NKAIN3: variants seen among roughly 807,000 people sequenced by gnomAD.
The protein encoded by NKAIN3 is sodium/potassium-transporting ATPase subunit beta-1-interacting protein 3.
NKAIN3 carries 25 observed loss-of-function variants against 30.2 expected under a neutral mutation model. That is an observed-to-expected ratio of 0.83 (90% CI 0.60 to 1.16). The LOEUF is 1.16. Ranked by LOEUF, NKAIN3 falls within the 50% of genes most tolerant of loss-of-function variation. The pLI, the probability that NKAIN3 is intolerant of heterozygous loss-of-function variation, is 0.00. For missense variants in NKAIN3, 225 were observed against 254.1 expected, an observed-to-expected ratio of 0.89 and a Z score of 0.78; for synonymous variants, 91 against 89.6, an observed-to-expected ratio of 1.02 and a Z score of -0.09.
At chr8:62,387,546 A>G (rs1216258255) in intron 1 of NKAIN3, among the ~76,000 whole-genome samples, 1 of 152,216 alleles carries the variant, frequency 6.6e-6, no homozygotes, top group East Asian at 1.9e-4. Flanking sequence ...TGGAAGATAC[A>G]TAAGACATAT....
intron 1 of NKAIN3, among the ~76,000 whole-genome samples, chr8:62,477,363 T>A (rs1040317793): frequency 6.6e-6 from 1 of 151,574 alleles, no homozygotes; most frequent in African/African-American, 2.4e-5. Context: ...AATGTGAAAC[T>A]GGTGAATTGG....
chr8:62,797,474 C>T (rs1817897917), intron 4 of NKAIN3, among the ~76,000 whole-genome samples: 2 of 152,216 alleles, frequency 1.3e-5, no homozygotes, highest in Non-Finnish European at 1.5e-5. Context: ...TTGAGATGAA[C>T]GATGCAAAAT....
chr8:62,459,472 C>T (rs1805923145), intron 1 of NKAIN3, among the ~76,000 whole-genome samples: 1 of 152,124 alleles, frequency 6.6e-6, no homozygotes, highest in African/African-American at 2.4e-5. Context: ...ACTTTCTAGG[C>T]TCTATTCTAA....
At chr8:62,733,604 G>A (rs779608132) in intron 3 of NKAIN3, among the ~76,000 whole-genome samples, 20 of 151,894 alleles carry the variant, frequency 1.3e-4, no homozygotes, top group Non-Finnish European at 2.8e-4. Context: ...TTTTACTGTA[G>A]TGCTCTGGAT....
intron 3 of NKAIN3, among the ~76,000 whole-genome samples, chr8:62,699,639 T>C (rs565525068): frequency 6.6e-6 from 1 of 152,328 alleles, no homozygotes; most frequent in East Asian, 1.9e-4. Context: ...TATTCATGCT[T>C]GTCCTATCCT....
intron 2 of NKAIN3, among the ~76,000 whole-genome samples, chr8:62,580,906 T>TATATAAA (rs71974501): frequency 8.9e-6 from 1 of 112,274 alleles, no homozygotes; most frequent in Non-Finnish European, 2.1e-5. Flanking sequence ...GCTAGGGTTT[T>TATATAAA]TATATATATA....
Position 62,306,577 on chromosome 8 carries a change from T to TGTGTGTGTGTGTGTTG in NKAIN3, c.54+57450_54+57451insGTGTGTGTGTGTGTTG, listed in dbSNP as rs369616688. On this transcript the variant is annotated intron_variant, in intron 1 of 6. Transcript: ENST00000623646. ...GTGTGTGTGTGTGTGTGTGTGTGTG[T>TGTGTGTGTGTGTGTTG]TGTGTGTGTGTTTAGTTTATGTGTG... Among the ~76,000 whole-genome samples the TGTGTGTGTGTGTGTTG allele has an allele frequency of 2.1e-3, 254 of 123,720 alleles. 8 individuals carry two copies. Among genetic ancestry groups the TGTGTGTGTGTGTGTTG allele is most frequent in the African/African-American group, 7.7e-3 (237 of 30,898 alleles). 81.2% of individuals were successfully genotyped at this position (123,720 alleles called of 152,430 possible). A position where few individuals can be genotyped will look rare whatever the true frequency, so the allele number is the denominator to read the frequency against.
intron 3 of NKAIN3, among the ~76,000 whole-genome samples, chr8:62,657,876 T>C (rs969244369): frequency 1.3e-5 from 2 of 152,180 alleles, no homozygotes; most frequent in South Asian, 4.1e-4. Flanking sequence ...ACAATGGGAA[T>C]GAAACTACCT....
intron 4 of NKAIN3, among the ~76,000 whole-genome samples, chr8:62,806,744 T>A (rs763843280): frequency 2.0e-5 from 3 of 151,872 alleles, no homozygotes; most frequent in Non-Finnish European, 4.4e-5. Flanking sequence ...GCATGGCACA[T>A]GTATACATAT....
chr8:62,478,410 T>C (rs1188125831), intron 1 of NKAIN3, among the ~76,000 whole-genome samples: 1 of 152,162 alleles, frequency 6.6e-6, no homozygotes, highest in Non-Finnish European at 1.5e-5. Context: ...GAAAGTAAAG[T>C]CATGCATTGT....
rs1187695753 is a variant in NKAIN3 at position 62,984,017 on chromosome 8, G to T, written c.*18610G>T. On this transcript the variant is annotated 3_prime_UTR_variant, in exon 7 of 7. Coordinates refer to ENST00000623646, the MANE Select transcript of NKAIN3 (RefSeq NM_001304533.3). ...AGATCAAAAGCAATGCTCAAAGGGA[G>T]TGCCTGGGTAACCATGATGTAATTG... The T allele has an allele frequency of 6.6e-6, 1 of 152,204 alleles. No homozygotes were observed. The allele number at this position is 152,204 out of a possible 1,614,324, so 9.4% of individuals were successfully genotyped here.
intron 1 of NKAIN3, among the ~76,000 whole-genome samples, chr8:62,528,324 A>AATATATATATTATATTAT (rs1808377340): frequency 1.4e-5 from 1 of 73,354 alleles, no homozygotes; most frequent in Non-Finnish European, 2.6e-5. Context: ...TATATTATAT[A>AATATATATATTATATTAT]ATATATATAT....
At chr8:62,824,754 C>T (rs1419639440) in intron 4 of NKAIN3, among the ~76,000 whole-genome samples, 1 of 152,122 alleles carries the variant, frequency 6.6e-6, no homozygotes, top group African/African-American at 2.4e-5. Context: ...CCAGTTCTAA[C>T]TCTACCACAA....
intron 3 of NKAIN3, among the ~76,000 whole-genome samples, chr8:62,715,957 C>G (rs941818591): frequency 2.6e-5 from 4 of 152,190 alleles, no homozygotes; most frequent in African/African-American, 9.6e-5. Flanking sequence ...GCACTTAGCA[C>G]AGGGGTGTTT....
intron 4 of NKAIN3, among the ~76,000 whole-genome samples, chr8:62,788,314 T>G (rs970823297): frequency 2.5e-4 from 38 of 152,236 alleles, no homozygotes; most frequent in Non-Finnish European, 4.7e-4. Flanking sequence ...TTTCATGTGT[T>G]TTTTGGCTGC....
At chr8:62,395,408 C>T (rs567581412) in intron 1 of NKAIN3, among the ~76,000 whole-genome samples, 12 of 152,082 alleles carry the variant, frequency 7.9e-5, no homozygotes, top group Admixed American at 2.0e-4. Context: ...ACTTCCCAGG[C>T]GGTGCGGGAA....
chr8:62,411,710 C>T (rs144650804), intron 1 of NKAIN3, among the ~76,000 whole-genome samples: 194 of 152,262 alleles, frequency 1.3e-3, no homozygotes, highest in African/African-American at 4.6e-3. Context: ...ACTAAGGATT[C>T]AGGTTACAAG....
At chr8:62,397,343 A>T (rs1817796566) in intron 1 of NKAIN3, among the ~76,000 whole-genome samples, 1 of 132,458 alleles carries the variant, frequency 7.5e-6, no homozygotes. Flanking sequence ...TGTTAGTATT[A>T]GAGTTGTTTA....
At chr8:62,946,202 C>G (rs866958367) in intron 5 of NKAIN3, among the ~76,000 whole-genome samples, 1 of 152,146 alleles carries the variant, frequency 6.6e-6, no homozygotes, top group Non-Finnish European at 1.5e-5. Flanking sequence ...GACATCTCTT[C>G]GGGATCACAA....
Sources: allele counts gnomAD v4.1 joint callset (sites outside exome capture counted in the v4.1 genomes callset), GRCh38; gene constraint gnomAD v4.1.1; transcripts MANE v1.5; gene names NCBI Gene and HGNC (gene_info 2026-07-23, HGNC 2026-07-21).